IL1RAPL1: variants seen among roughly 807,000 people sequenced by gnomAD.
The protein encoded by IL1RAPL1 is interleukin-1 receptor accessory protein-like 1.
A neutral mutation model predicts 48.4 loss-of-function variants in IL1RAPL1; 3 were observed. The ratio of observed to expected loss-of-function variants is 0.06; its 90% CI spans 0.03 to 0.16. The LOEUF (loss-of-function observed/expected upper bound fraction) is 0.16, where lower values mean the gene tolerates loss of function less well. IL1RAPL1 is among the 10% of genes least tolerant of loss of function. The pLI, the probability that IL1RAPL1 is intolerant of heterozygous loss-of-function variation, is 1.00. For synonymous variants in IL1RAPL1, 185 were observed against 187.7 expected, an observed-to-expected ratio of 0.99 and a Z score of 0.12; for missense variants, 349 against 530.6, an observed-to-expected ratio of 0.66 and a Z score of 3.36.
intron 2 of IL1RAPL1, among the ~76,000 whole-genome samples, chrX:29,034,248 G>A (rs537625703): frequency 6.3e-5 from 7 of 111,495 alleles, no homozygotes; most frequent in African/African-American, 1.9e-4. Context: ...AAATTTATTG[G>A]TTTGTCTTAA....
chrX:28,832,847 A>G (rs1569182427), intron 2 of IL1RAPL1, among the ~76,000 whole-genome samples: 7 of 81,125 alleles, frequency 8.6e-5, no homozygotes, highest in African/African-American at 3.1e-4. Flanking sequence ...TTTTAGATTC[A>G]GGGGGTACAT....
At position 29,006,495 on chromosome X, in the gene IL1RAPL1, C is replaced by A. The variant is rs192209856; in HGVS notation, c.82+217070C>A. 8.7e-3 allele frequency among the ~76,000 whole-genome samples: 894 copies of A among 103,330 alleles called. 5 individuals are homozygous for A. Among genetic ancestry groups the A allele is most frequent in the Non-Finnish European group, 0.013 (682 of 50,863 alleles). 89.7% of individuals were successfully genotyped at this position (103,330 alleles called of 115,157 possible). A position where few individuals can be genotyped will look rare whatever the true frequency, so the allele number is the denominator to read the frequency against. ...CGCCATTGCACTCCAACATGGGCAACAAGAGCAAAACGCCGTCTGGAAAAA... is the reference window on the plus strand; with the variant it reads ...CGCCATTGCACTCCAACATGGGCAAAAAGAGCAAAACGCCGTCTGGAAAAA... On this transcript the variant is annotated intron_variant, in intron 2 of 10. Coordinates refer to ENST00000378993, the MANE Select transcript of IL1RAPL1 (RefSeq NM_014271.4).
chrX:28,735,243 C>A (rs759535222), intron 1 of IL1RAPL1, among the ~76,000 whole-genome samples: 78 of 110,924 alleles, frequency 7.0e-4, no homozygotes, highest in Non-Finnish European at 1.3e-3. Flanking sequence ...TCTTGAAGGG[C>A]AGAAATCACA....
chrX:29,377,062 G>A (rs1933633710), intron 3 of IL1RAPL1, among the ~76,000 whole-genome samples: 1 of 112,012 alleles, frequency 8.9e-6, no homozygotes, highest in Admixed American at 9.5e-5. Flanking sequence ...TATATATTAA[G>A]GATAGTTAAG....
At chrX:29,862,055 A>T (rs1345713157) in intron 6 of IL1RAPL1, among the ~76,000 whole-genome samples, 1 of 109,656 alleles carries the variant, frequency 9.1e-6, no homozygotes, top group Non-Finnish European at 1.9e-5. Context: ...ATTAAAAAAT[A>T]AAAAAAAATT....
chrX:29,788,370 G>A (rs763862367), intron 6 of IL1RAPL1, among the ~76,000 whole-genome samples: 1 of 111,352 alleles, frequency 9.0e-6, no homozygotes, highest in African/African-American at 3.3e-5. Context: ...TATGTTAGAA[G>A]GTGATATATG....
At chrX:29,698,171 CTTT>C (rs757165756) in intron 6 of IL1RAPL1, among the ~76,000 whole-genome samples, 4 of 93,863 alleles carry the variant, frequency 4.3e-5, no homozygotes, top group Admixed American at 2.4e-4. Context: ...CTGGAATGTT[CTTT>C]TTTTTTTTTT....
intron 1 of IL1RAPL1, among the ~76,000 whole-genome samples, chrX:28,683,204 A>G (rs1318704633): frequency 9.0e-6 from 1 of 111,391 alleles, no homozygotes; most frequent in Non-Finnish European, 1.9e-5. Flanking sequence ...TGGGCAAGAG[A>G]AGTTCCCTTC....
intron 2 of IL1RAPL1, among the ~76,000 whole-genome samples, chrX:29,244,830 C>T (rs1931481163): frequency 9.1e-6 from 1 of 110,340 alleles, no homozygotes; most frequent in African/African-American, 3.3e-5. Context: ...TAATCATACT[C>T]TAAGTCTGGG....
chrX:29,951,653 C>T (rs760303191), intron 9 of IL1RAPL1, among the ~76,000 whole-genome samples: 75 of 111,641 alleles, frequency 6.7e-4, no homozygotes, highest in Non-Finnish European at 2.6e-4. Context: ...ATAGGTGGAA[C>T]GCGCATCTGA....
chrX:29,862,846 G>A (rs1393062895), intron 6 of IL1RAPL1, among the ~76,000 whole-genome samples: 1 of 108,357 alleles, frequency 9.2e-6, no homozygotes, highest in Admixed American at 1.0e-4. Flanking sequence ...GACTCATTGT[G>A]TTCTGATAGA....
At chrX:29,861,592 C>T (rs1484302793) in intron 6 of IL1RAPL1, among the ~76,000 whole-genome samples, 1 of 110,994 alleles carries the variant, frequency 9.0e-6, no homozygotes, top group Non-Finnish European at 1.9e-5. Flanking sequence ...AAATTGGGTT[C>T]AGTGTATACT....
At chrX:29,198,798 C>T (rs745964300) in intron 2 of IL1RAPL1, among the ~76,000 whole-genome samples, 5 of 111,495 alleles carry the variant, frequency 4.5e-5, no homozygotes, top group Admixed American at 2.9e-4. Context: ...TCCACTGAAA[C>T]GAAATCTCTT....
intron 2 of IL1RAPL1, among the ~76,000 whole-genome samples, chrX:29,228,144 G>A (rs1045968957): frequency 9.8e-6 from 1 of 101,664 alleles, no homozygotes; most frequent in East Asian, 3.3e-4. Context: ...AACTTTCCAC[G>A]TGCCTTCTTA....
rs1043335951 is a variant in IL1RAPL1, at chrX:29,915,149, T to A, written c.779-2315T>A. 2.7e-5 allele frequency among the ~76,000 whole-genome samples: 3 copies of A among 111,295 alleles called. No individual in the cohort carries two copies. In the East Asian group the frequency reaches 8.5e-4, roughly 32 times the overall value. On this transcript the variant is annotated intron_variant, in intron 6 of 10. Transcript: ENST00000378993. ...TCTCTACTAAAAACACAAAAATAAA[T>A]TAGTCGGGCGTGGTGGCACGTGCCT... is the stretch of plus-strand genomic sequence containing the variant.
intron 1 of IL1RAPL1, among the ~76,000 whole-genome samples, chrX:28,594,274 A>G (rs1933931979): frequency 8.9e-6 from 1 of 112,060 alleles, no homozygotes; most frequent in Admixed American, 9.5e-5. Flanking sequence ...GATGGACTTA[A>G]GAGTATATAA....
At chrX:29,173,665 T>C (rs1318893501) in intron 2 of IL1RAPL1, among the ~76,000 whole-genome samples, 1 of 111,636 alleles carries the variant, frequency 9.0e-6, no homozygotes, top group Non-Finnish European at 1.9e-5. Context: ...TGAAGAGATA[T>C]CCCGCAAATT....
chrX:29,078,368 A>G (rs746598977), intron 2 of IL1RAPL1, among the ~76,000 whole-genome samples: 6 of 112,871 alleles, frequency 5.3e-5, no homozygotes, highest in Non-Finnish European at 7.5e-5. Context: ...TTAAAAAATT[A>G]AGGCAACTGG....
At chrX:29,312,310 C>T (rs1046811264) in intron 3 of IL1RAPL1, among the ~76,000 whole-genome samples, 3 of 110,965 alleles carry the variant, frequency 2.7e-5, no homozygotes, top group Non-Finnish European at 5.7e-5. Flanking sequence ...ATTAGCTGGG[C>T]GTGGTGGTGT....
Sources: allele counts gnomAD v4.1 joint callset (sites outside exome capture counted in the v4.1 genomes callset), GRCh38; gene constraint gnomAD v4.1.1; transcripts MANE v1.5; gene names NCBI Gene and HGNC (gene_info 2026-07-23, HGNC 2026-07-21).